WWOX: variants seen among roughly 807,000 people sequenced by gnomAD.
The protein encoded by WWOX is WW domain-containing oxidoreductase.
In WWOX, 69 loss-of-function variants were observed where a neutral mutation model predicts 46.2. The ratio of observed to expected loss-of-function variants is 1.49; its 90% CI spans 1.23 to 1.82. WWOX has a LOEUF of 1.82. WWOX is among the 40% of genes most tolerant of loss of function. WWOX has a pLI of 0.00. For synonymous variants in WWOX, 359 were observed against 202.6 expected, an observed-to-expected ratio of 1.77 and a Z score of -6.56; for missense variants, 919 against 542.6, an observed-to-expected ratio of 1.69 and a Z score of -6.89.
At chr16:79,040,080 A>G (rs2047941382) in intron 8 of WWOX, among the ~76,000 whole-genome samples, 1 of 152,156 alleles carries the variant, frequency 6.6e-6, no homozygotes, top group Non-Finnish European at 1.5e-5. Context: ...TAAACTGGGT[A>G]TAATAATCAT....
At chr16:78,868,427 A>G (rs7194588) in intron 8 of WWOX, among the ~76,000 whole-genome samples, 26,937 of 151,944 alleles carry the variant, frequency 0.18, 2,609 homozygotes, top group Admixed American at 0.24. Context: ...GGGGTCAAGA[A>G]AATGTTCTAG....
chr16:78,435,951 G>C (rs1597082535), intron 8 of WWOX, among the ~76,000 whole-genome samples: 1 of 152,156 alleles, frequency 6.6e-6, no homozygotes, highest in Non-Finnish European at 1.5e-5. Context: ...GCCACATGTG[G>C]CTATTGAGTT....
At chr16:78,754,398 A>G (rs928204126) in intron 8 of WWOX, among the ~76,000 whole-genome samples, 21 of 152,154 alleles carry the variant, frequency 1.4e-4, no homozygotes, top group African/African-American at 5.1e-4. Context: ...ATGAATGACT[A>G]GGTCATTATG....
intron 8 of WWOX, among the ~76,000 whole-genome samples, chr16:78,777,870 C>T (rs2050230393): frequency 6.6e-6 from 1 of 151,762 alleles, no homozygotes; most frequent in East Asian, 1.9e-4. Flanking sequence ...CATGGTGAAA[C>T]CCTGTCTGTA....
intron 8 of WWOX, among the ~76,000 whole-genome samples, chr16:78,822,110 A>G (rs2051514921): frequency 6.6e-6 from 1 of 152,164 alleles, no homozygotes. Flanking sequence ...TCCTGGCTAC[A>G]AGTGATCCTC....
chr16:78,975,699 G>A (rs918224157), intron 8 of WWOX, among the ~76,000 whole-genome samples: 3 of 152,042 alleles, frequency 2.0e-5, no homozygotes, highest in Non-Finnish European at 4.4e-5. Flanking sequence ...GGAATACACC[G>A]CTCAGAGAAG....
chr16:79,068,097 C>T (rs974138473), intron 8 of WWOX, among the ~76,000 whole-genome samples: 5 of 152,172 alleles, frequency 3.3e-5, no homozygotes, highest in African/African-American at 4.8e-5. Context: ...GGGAGGGGGG[C>T]TCCGGAAGAT....
chr16:78,570,240 T>A (rs1003114520), intron 8 of WWOX, among the ~76,000 whole-genome samples: 2 of 152,194 alleles, frequency 1.3e-5, no homozygotes, highest in Admixed American at 6.5e-5. Flanking sequence ...GGGGCCCAAG[T>A]GTTTTATTAA....
At chr16:78,626,316 T>C (rs1182170580) in intron 8 of WWOX, among the ~76,000 whole-genome samples, 1 of 152,056 alleles carries the variant, frequency 6.6e-6, no homozygotes, top group Admixed American at 6.5e-5. Flanking sequence ...GGATACCACA[T>C]TTTATTTAAT....
chr16:78,531,848 ACT>A (rs2043631016), intron 8 of WWOX, among the ~76,000 whole-genome samples: 1 of 152,076 alleles, frequency 6.6e-6, no homozygotes, highest in Non-Finnish European at 1.5e-5. Flanking sequence ...ACAGAGGAAG[ACT>A]CTGTCTCAAA....
At position 78,575,020 on chromosome 16, in the gene WWOX, T is replaced by A. The variant is rs866878534; in HGVS notation, c.1056+142268T>A. On this transcript the variant is annotated intron_variant, in intron 8 of 8. Transcript: ENST00000566780. ...TCAATTATATATATATATATATATA[T>A]AAATATATATATATATATATATATA... Among the ~76,000 whole-genome samples, 9 of 13,744 alleles carry A rather than the reference T, an allele frequency of 6.5e-4. 1 individual carries two copies. Among genetic ancestry groups the A allele is most frequent in the East Asian group, 4.4e-3 (2 of 454 alleles). The allele number at this position is 13,744 out of a possible 152,430, so 9.0% of individuals were successfully genotyped here.
intron 8 of WWOX, among the ~76,000 whole-genome samples, chr16:78,886,984 G>C (rs1374238772): frequency 6.6e-6 from 1 of 151,936 alleles, no homozygotes; most frequent in Non-Finnish European, 1.5e-5. Flanking sequence ...TGGGTTTAAG[G>C]AGGAGAAATT....
chr16:78,426,954 G>A (rs1275307328), intron 7 of WWOX, among the ~76,000 whole-genome samples: 3 of 152,162 alleles, frequency 2.0e-5, no homozygotes, highest in Non-Finnish European at 4.4e-5. Flanking sequence ...GAGCCACCAC[G>A]CCCGGCCTCT....
intron 8 of WWOX, among the ~76,000 whole-genome samples, chr16:78,558,017 A>G (rs1260082492): frequency 6.6e-6 from 1 of 152,120 alleles, no homozygotes; most frequent in Non-Finnish European, 1.5e-5. Context: ...AGCCTGGAAC[A>G]GTGCCAAGCA....
chr16:78,887,509 ACACACACAC>A (rs2044492479), intron 8 of WWOX, among the ~76,000 whole-genome samples: 1 of 146,702 alleles, frequency 6.8e-6, no homozygotes, highest in Non-Finnish European at 1.5e-5. Context: ...ACACACACAC[ACACACACAC>A]AAGAAATGAC....
At chr16:78,768,755 C>G (rs1039494600) in intron 8 of WWOX, among the ~76,000 whole-genome samples, 19 of 152,106 alleles carry the variant, frequency 1.2e-4, no homozygotes, top group African/African-American at 4.1e-4. Flanking sequence ...TTGTGAAATG[C>G]TCATTTCACA....
rs143961206 is a variant in WWOX, at chr16:79,139,032, G to T, written c.1057-72576G>T. On this transcript the variant is annotated intron_variant, in intron 8 of 8. Coordinates refer to ENST00000566780, the MANE Select transcript of WWOX (RefSeq NM_016373.4). ...TCTCTCCTGAAATATTACAGAAACT[G>T]CCCTGAACGAAGATAGATGGTCCCC... is the stretch of plus-strand genomic sequence containing the variant. Among the ~76,000 whole-genome samples, 362 of 152,186 alleles carry T rather than the reference G, an allele frequency of 2.4e-3. 3 individuals carry two copies. Among genetic ancestry groups the T allele is most frequent in the African/African-American group, 8.5e-3 (353 of 41,530 alleles).
At chr16:78,406,341 TATATA>T (rs2082541318) in intron 6 of WWOX, among the ~76,000 whole-genome samples, 6 of 106,518 alleles carry the variant, frequency 5.6e-5, no homozygotes, top group Non-Finnish European at 1.7e-5. Context: ...TATATATATA[TATATA>T]TATATATATT....
chr16:79,069,363 A>G (rs994347685), intron 8 of WWOX, among the ~76,000 whole-genome samples: 6 of 152,200 alleles, frequency 3.9e-5, no homozygotes, highest in African/African-American at 1.4e-4. Flanking sequence ...AGTGATTGGG[A>G]ACAAATTCAA....
Sources: allele counts gnomAD v4.1 joint callset (sites outside exome capture counted in the v4.1 genomes callset), GRCh38; gene constraint gnomAD v4.1.1; transcripts MANE v1.5; gene names NCBI Gene and HGNC (gene_info 2026-07-23, HGNC 2026-07-21).